Variants in CDH12 observed in about 807,000 individuals in gnomAD.
CDH12 encodes the protein cadherin-12.
In CDH12, 41 loss-of-function variants were observed where a neutral mutation model predicts 74.1. The observed-to-expected ratio is 0.55, with a 90% CI of 0.43 to 0.72. CDH12 has a LOEUF of 0.72. Ranked by LOEUF, CDH12 falls within the 30% of genes least tolerant of loss-of-function variation. The pLI is 0.00. For synonymous variants in CDH12, 399 were observed against 355.0 expected, an observed-to-expected ratio of 1.12 and a Z score of -1.39; for missense variants, 945 against 977.2, an observed-to-expected ratio of 0.97 and a Z score of 0.44.
intron 1 of CDH12, among the ~76,000 whole-genome samples, chr5:22,643,855 A>G (rs1235184083): frequency 3.4e-5 from 5 of 145,138 alleles, no homozygotes; most frequent in Non-Finnish European, 7.4e-5. Flanking sequence ...CATCTGTCAC[A>G]TTTGGTAATT....
chr5:21,817,239 C>T (rs941985962), intron 8 of CDH12, 107 bp from the exon 9 acceptor site: 5 of 667,832 alleles, frequency 7.5e-6, no homozygotes, highest in Non-Finnish European at 1.2e-5. Flanking sequence ...ACATTTAGAA[C>T]ATTATAGTGC....
chr5:22,403,682 T>C (rs1218274098), intron 3 of CDH12, among the ~76,000 whole-genome samples: 1 of 152,180 alleles, frequency 6.6e-6, no homozygotes, highest in East Asian at 1.9e-4. Context: ...AACACAGCCA[T>C]GTGAAGACCA....
intron 3 of CDH12, among the ~76,000 whole-genome samples, chr5:22,311,164 A>C (rs1580509994): frequency 6.6e-6 from 1 of 152,228 alleles, no homozygotes; most frequent in East Asian, 1.9e-4. Flanking sequence ...TAGAGAGTTT[A>C]TTTGAGCCAA....
At chr5:22,608,725 C>T (rs1228587581) in intron 1 of CDH12, among the ~76,000 whole-genome samples, 1 of 152,020 alleles carries the variant, frequency 6.6e-6, no homozygotes, top group Non-Finnish European at 1.5e-5. Flanking sequence ...GCAGTTTCCC[C>T]CATTCTGTGC....
At chr5:22,152,610 A>G (rs904777955) in intron 4 of CDH12, among the ~76,000 whole-genome samples, 1 of 152,206 alleles carries the variant, frequency 6.6e-6, no homozygotes, top group African/African-American at 2.4e-5. Flanking sequence ...ATTGGCTCAC[A>G]TATTTACTTT....
chr5:22,578,531 T>C (rs544670994), intron 1 of CDH12, among the ~76,000 whole-genome samples: 10 of 152,294 alleles, frequency 6.6e-5, no homozygotes, highest in African/African-American at 2.4e-4. Flanking sequence ...ATTATAAATA[T>C]GCCCAAAGGC....
intron 3 of CDH12, among the ~76,000 whole-genome samples, chr5:22,296,991 TC>T (rs11368057): frequency 0.55 from 83,859 of 151,668 alleles, 23,727 homozygotes; most frequent in Non-Finnish European, 0.62. Flanking sequence ...TTTCTTTCTT[TC>T]TTTTTTAATT....
chr5:21,990,481 ATC>A (rs1448327467), intron 5 of CDH12, among the ~76,000 whole-genome samples: 3 of 151,908 alleles, frequency 2.0e-5, no homozygotes, highest in Non-Finnish European at 4.4e-5. Flanking sequence ...TAATATTTAT[ATC>A]ATAAATTTGG....
chr5:22,180,935 T>C lies in CDH12; in HGVS notation c.-187+31563A>G, dbSNP rs1357540126. 2.0e-5 allele frequency among the ~76,000 whole-genome samples: 3 copies of C among 152,130 alleles called. No homozygotes were observed. In the East Asian group the frequency reaches 5.8e-4, roughly 29 times the overall value. On this transcript the variant is annotated intron_variant, in intron 4 of 14. Coordinates refer to ENST00000382254, the MANE Select transcript of CDH12 (RefSeq NM_004061.5). Reference sequence around the variant, plus strand: ...TGTTAGACATCAAAAGGCACATAATTTGGGGTACCTTGAATTACATTATCT... The same window carrying C: ...TGTTAGACATCAAAAGGCACATAATCTGGGGTACCTTGAATTACATTATCT...
intron 3 of CDH12, among the ~76,000 whole-genome samples, chr5:22,335,467 C>T (rs1239909068): frequency 1.3e-5 from 2 of 152,042 alleles, no homozygotes; most frequent in Non-Finnish European, 2.9e-5. Context: ...CAACTGTAGT[C>T]CCAGCTACTC....
chr5:22,585,197 T>G (rs934723904), intron 1 of CDH12, among the ~76,000 whole-genome samples: 4 of 152,192 alleles, frequency 2.6e-5, no homozygotes, highest in African/African-American at 9.6e-5. Flanking sequence ...TTAGAGAATA[T>G]TTTCTTCCAG....
At position 22,454,098 on chromosome 5, in the gene CDH12, T is replaced by C. The variant is rs552801713; in HGVS notation, c.-427-48747A>G. 5.3e-5 allele frequency among the ~76,000 whole-genome samples: 8 copies of C among 152,024 alleles called. No homozygotes were observed. The South Asian group carries it at 1.5e-3, about 28-fold the overall frequency. Reference sequence around the variant, plus strand: ...ACAGTTATTAACATATAATTTATTCTCTGAATTTTCCTTCTCTCTCATTAA... The same window carrying C: ...ACAGTTATTAACATATAATTTATTCCCTGAATTTTCCTTCTCTCTCATTAA... On this transcript the variant is annotated intron_variant, in intron 2 of 14. Coordinates refer to ENST00000382254, the MANE Select transcript of CDH12 (RefSeq NM_004061.5).
At position 21,755,568 on chromosome 5, in the gene CDH12, CAAT is replaced by C. The variant is rs1257599732; in HGVS notation, c.1885+20_1885+22del. 14 of 1,596,642 alleles carry C rather than the reference CAAT, an allele frequency of 8.8e-6. No homozygotes were observed. The highest frequency in any genetic ancestry group is 1.1e-5 in the Non-Finnish European group (13 of 1,166,664). On this transcript the variant is annotated intron_variant, in intron 14 of 14. Transcript: ENST00000382254. Reference sequence around the variant, plus strand: ...GGAAGAGAGAGCGAGAAAAAATTAACAATGATTAATATTGAAACCAACCTAAGA... The same window carrying C: ...GGAAGAGAGAGCGAGAAAAAATTAACGATTAATATTGAAACCAACCTAAGA...
intron 1 of CDH12, among the ~76,000 whole-genome samples, chr5:22,829,303 T>C (rs1736472814): frequency 6.6e-6 from 1 of 152,184 alleles, no homozygotes; most frequent in Admixed American, 6.5e-5. Context: ...CAAAACTTTT[T>C]GACACTCTAT....
chr5:22,402,400 T>C (rs1455052552), intron 3 of CDH12, among the ~76,000 whole-genome samples: 1 of 152,180 alleles, frequency 6.6e-6, no homozygotes, highest in Non-Finnish European at 1.5e-5. Context: ...GAACAAGTTA[T>C]TGTAAACTGT....
intron 6 of CDH12, among the ~76,000 whole-genome samples, chr5:21,955,465 C>T (rs1272990165): frequency 2.0e-5 from 3 of 151,912 alleles, no homozygotes; most frequent in Admixed American, 1.3e-4. Context: ...AGTGATTGCA[C>T]ACTTAAAACA....
intron 1 of CDH12, among the ~76,000 whole-genome samples, chr5:22,800,922 ATAGTT>A (rs1461292267): frequency 6.6e-6 from 1 of 151,954 alleles, no homozygotes; most frequent in Non-Finnish European, 1.5e-5. Flanking sequence ...TGATTGTACT[ATAGTT>A]TATTTATCCA....
intron 10 of CDH12, among the ~76,000 whole-genome samples, chr5:21,797,411 A>G (rs1052800938): frequency 5.3e-5 from 8 of 152,164 alleles, no homozygotes; most frequent in Non-Finnish European, 1.2e-4. Flanking sequence ...ACACATTTTC[A>G]GAACAAGGAA....
At chr5:22,784,188 T>G (rs558490384) in intron 1 of CDH12, among the ~76,000 whole-genome samples, 2 of 152,266 alleles carry the variant, frequency 1.3e-5, no homozygotes, top group South Asian at 4.1e-4. Context: ...TTTGTAAAAT[T>G]TTCTCAAAGA....
Sources: allele counts gnomAD v4.1 joint callset (sites outside exome capture counted in the v4.1 genomes callset), GRCh38; gene constraint gnomAD v4.1.1; transcripts MANE v1.5; gene names NCBI Gene and HGNC (gene_info 2026-07-23, HGNC 2026-07-21).